Variants in KAZN observed in about 807,000 individuals in gnomAD.
The protein encoded by KAZN is kazrin.
KAZN carries 40 observed loss-of-function variants against 87.4 expected under a neutral mutation model. The observed-to-expected ratio is 0.46, with a 90% CI of 0.36 to 0.60. The LOEUF (loss-of-function observed/expected upper bound fraction) is 0.60. Ranked by LOEUF, KAZN falls within the 20% of genes least tolerant of loss-of-function variation. KAZN has a pLI of 0.00. For missense variants in KAZN, 898 were observed against 1,073.9 expected (o/e 0.84, Z 2.29); for synonymous variants, 466 against 458.3 (o/e 1.02, Z -0.22).
chr1:14,419,708 A>C (rs1190608978), intron 2 of KAZN, among the ~76,000 whole-genome samples: 1 of 151,806 alleles, frequency 6.6e-6, no homozygotes, highest in Non-Finnish European at 1.5e-5. Context: ...TTCATTCAAG[A>C]GTGAAGCCGC....
chr1:14,147,497 AAAACGT>A (rs1645377690), intron 1 of KAZN, among the ~76,000 whole-genome samples: 2 of 152,214 alleles, frequency 1.3e-5, no homozygotes, highest in East Asian at 3.8e-4. Context: ...TGGGAGGATT[AAAACGT>A]CACTGCAGGG....
intron 2 of KAZN, among the ~76,000 whole-genome samples, chr1:14,263,464 GACAA>G (rs897633796): frequency 6.6e-6 from 1 of 152,138 alleles, no homozygotes; most frequent in African/African-American, 2.4e-5. Flanking sequence ...GCTGATGGTT[GACAA>G]ACATATTAGT....
At chr1:14,745,067 G>A (rs1442005221) in intron 1 of KAZN, among the ~76,000 whole-genome samples, 1 of 152,072 alleles carries the variant, frequency 6.6e-6, no homozygotes, top group Non-Finnish European at 1.5e-5. Flanking sequence ...AGGAAGTCTT[G>A]CTAGGACCAT....
At chr1:14,246,398 G>A (rs961451933) in intron 2 of KAZN, among the ~76,000 whole-genome samples, 11 of 151,806 alleles carry the variant, frequency 7.2e-5, no homozygotes, top group African/African-American at 2.7e-4. Flanking sequence ...TATTTTATTT[G>A]GGCTATTAGC....
intron 1 of KAZN, among the ~76,000 whole-genome samples, chr1:13,999,753 T>G (rs1256777622): frequency 6.6e-6 from 1 of 152,136 alleles, no homozygotes; most frequent in African/African-American, 2.4e-5. Context: ...AAAGTATCAA[T>G]GAATCCAGGA....
intron 1 of KAZN, among the ~76,000 whole-genome samples, chr1:13,896,110 G>T (rs1280773891): frequency 1.3e-5 from 2 of 151,822 alleles, no homozygotes; most frequent in Non-Finnish European, 2.9e-5. Flanking sequence ...TGCCACCTCT[G>T]CCTCCTGCTA....
chr1:14,762,950 C>T (rs1343514294), intron 1 of KAZN, among the ~76,000 whole-genome samples: 2 of 152,186 alleles, frequency 1.3e-5, no homozygotes, highest in African/African-American at 2.4e-5. Flanking sequence ...CTTTTGTGAA[C>T]TTTTAAACAC....
chr1:14,892,112 A>G (rs926430953), intron 1 of KAZN, among the ~76,000 whole-genome samples: 1 of 152,152 alleles, frequency 6.6e-6, no homozygotes, highest in African/African-American at 2.4e-5. Context: ...GGCAGAGCCC[A>G]GATGGGATGG....
At chr1:14,388,341 C>T (rs115662483) in intron 2 of KAZN, among the ~76,000 whole-genome samples, 4 of 152,138 alleles carry the variant, frequency 2.6e-5, no homozygotes, top group Admixed American at 2.0e-4. Flanking sequence ...GCTCTTCCCC[C>T]CTAGAAGAAA....
chr1:14,492,266 C>A (rs1669690069), intron 2 of KAZN, among the ~76,000 whole-genome samples: 1 of 152,074 alleles, frequency 6.6e-6, no homozygotes, highest in Non-Finnish European at 1.5e-5. Context: ...GCCCAGATGG[C>A]CTCAGGGCTC....
intron 2 of KAZN, among the ~76,000 whole-genome samples, chr1:14,411,893 T>C (rs1409363874): frequency 6.6e-6 from 1 of 152,232 alleles, no homozygotes; most frequent in African/African-American, 2.4e-5. Flanking sequence ...GAGGTACTGA[T>C]TAATTTTAAA....
At chr1:14,219,989 ATTG>A (rs2100494371) in intron 2 of KAZN, among the ~76,000 whole-genome samples, 1 of 152,284 alleles carries the variant, frequency 6.6e-6, no homozygotes, top group East Asian at 1.9e-4. Flanking sequence ...CCAATTCATT[ATTG>A]TTGAGTATTG....
chr1:14,772,835 T>C (rs1012788056), intron 1 of KAZN, among the ~76,000 whole-genome samples: 1 of 152,140 alleles, frequency 6.6e-6, no homozygotes, highest in Non-Finnish European at 1.5e-5. Flanking sequence ...AACACAGACC[T>C]TTCTCTACCA....
intron 2 of KAZN, among the ~76,000 whole-genome samples, chr1:14,488,226 A>G (rs961666800): frequency 6.6e-6 from 1 of 152,168 alleles, no homozygotes; most frequent in African/African-American, 2.4e-5. Flanking sequence ...TCAATACAAT[A>G]TTCTTGACAT....
At chr1:14,832,392 C>T (rs1007858419) in intron 1 of KAZN, among the ~76,000 whole-genome samples, 5 of 152,130 alleles carry the variant, frequency 3.3e-5, no homozygotes, top group Admixed American at 3.3e-4. Flanking sequence ...CCTTACTGCT[C>T]AGCAGCTTCG....
intron 2 of KAZN, among the ~76,000 whole-genome samples, chr1:14,553,381 G>A (rs1056073586): frequency 6.6e-6 from 1 of 152,116 alleles, no homozygotes; most frequent in African/African-American, 2.4e-5. Context: ...TATAGATTTT[G>A]ATATGCAATC....
intron 1 of KAZN, among the ~76,000 whole-genome samples, chr1:14,701,568 G>A (rs138440676): frequency 1.3e-5 from 2 of 152,360 alleles, no homozygotes; most frequent in African/African-American, 4.8e-5. Context: ...AAGGCAGGTA[G>A]ATCACTTGAT....
At chr1:14,027,598 T>C (rs886261790) in intron 1 of KAZN, among the ~76,000 whole-genome samples, 3 of 152,182 alleles carry the variant, frequency 2.0e-5, no homozygotes, top group Non-Finnish European at 1.5e-5. Context: ...TGTTCCTACA[T>C]AGAAAGTAAT....
intron 2 of KAZN, among the ~76,000 whole-genome samples, chr1:14,225,316 C>A (rs533624490): frequency 1.3e-5 from 2 of 152,034 alleles, no homozygotes; most frequent in African/African-American, 4.8e-5. Flanking sequence ...AGGAATTCAG[C>A]TAACCAGGGA....
Sources: gnomAD v4.1 joint callset for allele counts (sites outside exome capture counted in the v4.1 genomes callset) on GRCh38, gnomAD v4.1.1 for gene constraint, MANE v1.5 for transcripts, NCBI Gene and HGNC (gene_info 2026-07-23, HGNC 2026-07-21) for gene names.